Variants in MAP4K5 observed in about 807,000 individuals in gnomAD.
The protein encoded by MAP4K5 is MAPK/ERK kinase kinase kinase 5.
In MAP4K5, 82 loss-of-function variants were observed where a neutral mutation model predicts 135.6. The observed-to-expected ratio is 0.60, with a 90% CI of 0.51 to 0.73. MAP4K5 has a LOEUF of 0.73. MAP4K5 is among the 30% of genes least tolerant of loss of function. MAP4K5 has a pLI of 0.00. For missense variants in MAP4K5, 907 were observed against 1,010.9 expected (o/e 0.90, Z 1.39); for synonymous variants, 347 against 335.0 (o/e 1.04, Z -0.39).
At chr14:50,559,638 T>G (rs1441479543) in intron 1 of MAP4K5, 1 of 152,362 alleles carries the variant, frequency 6.6e-6, no homozygotes, top group Non-Finnish European at 1.5e-5. Flanking sequence ...TATCTTGATC[T>G]TCTTGATATA....
chr14:50,512,788 A>G (rs895822578), intron 2 of MAP4K5, among the ~76,000 whole-genome samples: 28 of 152,190 alleles, frequency 1.8e-4, no homozygotes, highest in Admixed American at 1.8e-3. Context: ...GCTATAATCC[A>G]AAAGAGTTTT....
chr14:50,550,190 G>A (rs560408704), intron 1 of MAP4K5, among the ~76,000 whole-genome samples: 4 of 152,212 alleles, frequency 2.6e-5, no homozygotes, highest in Non-Finnish European at 5.9e-5. Flanking sequence ...GCATAGGCAA[G>A]GCTGGAAGCT....
intron 2 of MAP4K5, among the ~76,000 whole-genome samples, chr14:50,510,399 A>G (rs1265813623): frequency 6.6e-6 from 1 of 152,022 alleles, no homozygotes; most frequent in African/African-American, 2.4e-5. Flanking sequence ...TTTAGTTATC[A>G]CCTCCTCCAG....
rs1244662211 is a variant in MAP4K5, at chr14:50,531,948, G to A, written c.102C>T (p.Val34=). 3 of 1,595,984 alleles carry A rather than the reference G, an allele frequency of 1.9e-6. No homozygotes were observed. The highest frequency in any genetic ancestry group is 2.6e-6 in the Non-Finnish European group (3 of 1,170,742). The change falls in exon 2 of 33, where the codon GTC becomes GTT. Residue 34 remains valine, a synonymous_variant. Transcript: ENST00000682126. ...QRVGSGTYGD[V]YKARNVHTGE... is the part of the protein sequence containing the mutation. ...CACGGCCAGCCTCACTTACCTTATAGACGTCCCCGTAGGTGCCGCTGCCGA... is the reference window on the plus strand; with the variant it reads ...CACGGCCAGCCTCACTTACCTTATAAACGTCCCCGTAGGTGCCGCTGCCGA...
chr14:50,504,651 T>A, intron 3 of MAP4K5, 149 bp downstream of exon 3: 3 of 610,944 alleles, frequency 4.9e-6, no homozygotes, highest in Non-Finnish European at 5.6e-6. Flanking sequence ...ACATCAAACT[T>A]ACCTTTAACT....
intron 30 of MAP4K5, among the ~76,000 whole-genome samples, chr14:50,426,340 CATT>C (rs1452356632): frequency 6.6e-6 from 1 of 152,074 alleles, no homozygotes; most frequent in Non-Finnish European, 1.5e-5. Flanking sequence ...GCATTAAAAG[CATT>C]GTTGTTTAAA....
At chr14:50,532,286 G>A (rs1046010685) in intron 1 of MAP4K5, 128 bp from the exon 2 acceptor site, 2 of 450,668 alleles carry the variant, frequency 4.4e-6, no homozygotes, top group African/African-American at 2.1e-5. Flanking sequence ...GGCCTGGAAG[G>A]GCCCCCGGCG....
At chr14:50,507,961 C>T (rs907097690) in intron 2 of MAP4K5, among the ~76,000 whole-genome samples, 13 of 152,090 alleles carry the variant, frequency 8.5e-5, no homozygotes, top group African/African-American at 3.1e-4. Context: ...TAAAGTCTCC[C>T]ATTATTATTG....
At chr14:50,427,775 A>G (rs1363722857) in intron 30 of MAP4K5, among the ~76,000 whole-genome samples, 1 of 152,232 alleles carries the variant, frequency 6.6e-6, no homozygotes, top group Non-Finnish European at 1.5e-5. Context: ...CATAAAACCA[A>G]TGAGTATTAG....
At chr14:50,524,505 C>T (rs142382988) in intron 2 of MAP4K5, among the ~76,000 whole-genome samples, 2 of 151,712 alleles carry the variant, frequency 1.3e-5, no homozygotes, top group African/African-American at 4.8e-5. Context: ...GGAAGACAAG[C>T]AAAAATGAGA....
At chr14:50,497,071 T>C (rs893054107) in intron 3 of MAP4K5, among the ~76,000 whole-genome samples, 2 of 152,246 alleles carry the variant, frequency 1.3e-5, no homozygotes, top group East Asian at 1.9e-4. Context: ...CATTATACAG[T>C]GAATAAATTA....
At chr14:50,428,886 TA>T in intron 29 of MAP4K5, 132 bp from the exon 30 acceptor site, 1 of 639,612 alleles carries the variant, frequency 1.6e-6, no homozygotes, top group African/African-American at 1.9e-5. Context: ...TTGAGTCAGG[TA>T]TGCCAAATGG....
chr14:50,560,431 G>T (rs1002197713), intron 1 of MAP4K5: 2 of 1,226,016 alleles, frequency 1.6e-6, no homozygotes, highest in Admixed American at 4.1e-5. Flanking sequence ...GGCCGTAGCC[G>T]AGCCGCTCCC....
intron 1 of MAP4K5, among the ~76,000 whole-genome samples, chr14:50,542,814 TAGG>T (rs1409045674): frequency 1.3e-5 from 2 of 152,198 alleles, no homozygotes; most frequent in African/African-American, 2.4e-5. Flanking sequence ...CCCTGAAAGA[TAGG>T]AGGAGAAATT....
chr14:50,476,055 A>T, intron 8 of MAP4K5, 73 bp downstream of exon 8: 1 of 811,978 alleles, frequency 1.2e-6, no homozygotes, highest in Non-Finnish European at 1.9e-6. Context: ...ATTCTCATTT[A>T]AAATTTTATA....
At chr14:50,523,474 T>A (rs1445399376) in intron 2 of MAP4K5, among the ~76,000 whole-genome samples, 1 of 152,044 alleles carries the variant, frequency 6.6e-6, no homozygotes, top group Non-Finnish European at 1.5e-5. Context: ...AAGAAAGAGA[T>A]TTAAGACTTC....
intron 19 of MAP4K5, 32 bp downstream of exon 19, chr14:50,443,907 A>C: frequency 6.5e-7 from 1 of 1,528,286 alleles, no homozygotes; most frequent in Non-Finnish European, 9.0e-7. Context: ...AGTATTATTT[A>C]CAACTAATTG....
intron 6 of MAP4K5, among the ~76,000 whole-genome samples, chr14:50,478,334 T>C (rs8012544): frequency 0.85 from 128,689 of 152,040 alleles, 55,858 homozygotes; most frequent in Non-Finnish European, 0.93. Flanking sequence ...ATCATTTTTA[T>C]TGCTCATCTC....
chr14:50,539,027 G>A (rs1196945517), intron 2 of MAP4K5, among the ~76,000 whole-genome samples: 1 of 152,046 alleles, frequency 6.6e-6, no homozygotes, highest in Non-Finnish European at 1.5e-5. Context: ...CTCTTTCTGT[G>A]CTTTTTCTTC....
Sources: allele counts gnomAD v4.1 joint callset (sites outside exome capture counted in the v4.1 genomes callset), GRCh38; gene constraint gnomAD v4.1.1; transcripts MANE v1.5; gene names NCBI Gene and HGNC (gene_info 2026-07-23, HGNC 2026-07-21).